Variants in PLEKHG4B observed in about 807,000 individuals in gnomAD.
PLEKHG4B encodes pleckstrin homology and RhoGEF domain containing G4B.
Under a neutral mutation model 121.3 loss-of-function variants are expected in PLEKHG4B, and 111 were observed. That is an observed-to-expected ratio of 0.92 (90% confidence interval 0.78 to 1.07). PLEKHG4B has a LOEUF of 1.07. PLEKHG4B is among the 50% of genes least tolerant of loss of function. The pLI, the probability that PLEKHG4B is intolerant of heterozygous loss-of-function variation, is 0.00. For missense variants in PLEKHG4B, 1,831 were observed against 1,757.8 expected (o/e 1.04, Z -0.74); for synonymous variants, 738 against 725.0 (o/e 1.02, Z -0.29).
At chr5:106,624 A>G (rs1733980470) in intron 1 of PLEKHG4B, among the ~76,000 whole-genome samples, 1 of 152,250 alleles carries the variant, frequency 6.6e-6, no homozygotes. Context: ...GGTTTTTGTC[A>G]GGACCCCACT....
intron 1 of PLEKHG4B, among the ~76,000 whole-genome samples, chr5:94,479 C>T (rs1004041190): frequency 8.7e-5 from 12 of 138,042 alleles, no homozygotes; most frequent in South Asian, 2.2e-4. Context: ...GAGTGGGTGG[C>T]GGGGCTGGAG....
At chr5:133,463 G>C (rs1361862361) in intron 2 of PLEKHG4B, among the ~76,000 whole-genome samples, 1 of 151,876 alleles carries the variant, frequency 6.6e-6, no homozygotes, top group African/African-American at 2.4e-5. Flanking sequence ...CCATCAAAAA[G>C]TGGGCTAAGG....
In PLEKHG4B at chr5:140,208, C is replaced by G; in HGVS notation, c.969C>G (p.Ala323=). Residue 323 remains alanine (A), a synonymous_variant, in exon 3 of 20, where the codon GCC becomes GCG. Coordinates refer to ENST00000637938, the MANE Select transcript of PLEKHG4B (RefSeq NM_052909.5). ...TGGACCAGGAGGACAGACCCAAGGCCCTCACCTTCCACACAGACCTGGGCA... is the reference window on the plus strand; with the variant it reads ...TGGACCAGGAGGACAGACCCAAGGCGCTCACCTTCCACACAGACCTGGGCA... ...DPMDQEDRPK[A]LTFHTDLGIP... 1 of 1,293,324 alleles carries G rather than the reference C, an allele frequency of 7.7e-7. No homozygotes were observed. The highest frequency in any genetic ancestry group is 1.0e-6 in the Non-Finnish European group (1 of 959,560). The allele number at this position is 1,293,324 out of a possible 1,614,324, so 80.1% of individuals were successfully genotyped here. A position where few individuals can be genotyped will look rare whatever the true frequency, so the allele number is the denominator to read the frequency against.
intron 16 of PLEKHG4B, among the ~76,000 whole-genome samples, chr5:172,612 C>T (rs1736599262): frequency 6.6e-6 from 1 of 152,238 alleles, no homozygotes; most frequent in Admixed American, 6.5e-5. Context: ...CGCTCACCCC[C>T]TGAGCAGGGC....
At chr5:154,025 G>A (rs1735685032) in intron 7 of PLEKHG4B, among the ~76,000 whole-genome samples, 1 of 148,188 alleles carries the variant, frequency 6.7e-6, no homozygotes, top group African/African-American at 2.5e-5. Context: ...TTTTTTTTGA[G>A]ACAGAGTCTC....
intron 1 of PLEKHG4B, among the ~76,000 whole-genome samples, chr5:112,709 A>G (rs1441273149): frequency 3.3e-5 from 5 of 152,222 alleles, no homozygotes; most frequent in East Asian, 1.9e-4. Context: ...AAACAAAATC[A>G]TCGACACAAT....
chr5:116,979 A>G (rs1734325160), intron 2 of PLEKHG4B, among the ~76,000 whole-genome samples: 1 of 152,188 alleles, frequency 6.6e-6, no homozygotes, highest in African/African-American at 2.4e-5. Context: ...CTGCGTCTGA[A>G]AACGCGTGGC....
At position 169,474 on chromosome 5, in the gene PLEKHG4B, A is replaced by T. The variant is rs61750331; in HGVS notation, c.3611A>T (p.His1204Leu). The T allele has an allele frequency of 6.2e-7, 1 of 1,614,122 alleles. No homozygotes were observed. ...MDLPQGLRGKHHVIFGNLEKL... is the reference protein window; with the variant it reads ...MDLPQGLRGKLHVIFGNLEKL... ...TTGCCCCAGGGCCTTCGAGGGAAGC[A>T]CCACGTTATTTTCGGCAACTTGGAG... is the stretch of plus-strand genomic sequence containing the variant. The change falls in exon 14 of 20, where the codon CAC becomes CTC. Residue 1204 changes from histidine (H) to leucine (L), a missense_variant. Physicochemically the swap from His to Leu is moderately conservative, Grantham distance 99. Transcript: ENST00000637938.
intron 14 of PLEKHG4B, 57 bp from the exon 15 acceptor site, chr5:170,986 C>G: frequency 7.0e-7 from 1 of 1,434,282 alleles, no homozygotes; most frequent in Non-Finnish European, 9.6e-7. Context: ...GCTGCGGGAG[C>G]CTGCTGTCTC....
At chr5:101,446 C>T (rs537991152) in intron 1 of PLEKHG4B, among the ~76,000 whole-genome samples, 5 of 122,930 alleles carry the variant, frequency 4.1e-5, no homozygotes, top group South Asian at 4.6e-4. Context: ...ATATAAAGCC[C>T]GGGGAAAAGC....
At chr5:94,521 A>G (rs10038369) in intron 1 of PLEKHG4B, among the ~76,000 whole-genome samples, 3,235 of 67,644 alleles carry the variant, frequency 0.048, 24 homozygotes, top group African/African-American at 0.15. Flanking sequence ...CCATCCTGAA[A>G]GTGTTGGTTC....
In PLEKHG4B at chr5:137,677, C is replaced by T. The variant is rs1006076109; in HGVS notation, c.244-1806C>T. ...GTTTTCTGGAAAAAGTCTAGTGGTGCGATTACAAGGACAAGTCACAACGAT... is the reference window on the plus strand; with the variant it reads ...GTTTTCTGGAAAAAGTCTAGTGGTGTGATTACAAGGACAAGTCACAACGAT... On this transcript the variant is annotated intron_variant, in intron 2 of 19. Coordinates refer to ENST00000637938, the MANE Select transcript of PLEKHG4B (RefSeq NM_052909.5). This position sits in a 1 kb window ranked among gnomAD's most constrained non-coding sequence, Gnocchi z 4.2. Among the ~76,000 whole-genome samples the T allele has an allele frequency of 3.3e-5, 5 of 152,188 alleles. No homozygotes were observed. The highest frequency in any genetic ancestry group is 1.9e-4 in the East Asian group (1 of 5,190).
rs766223317 is a variant in PLEKHG4B at position 182,121 on chromosome 5, C to A, written c.4682C>A (p.Ser1561Tyr). ...STSSSSSQSS[S>Y]ILGSLGLLVS... is the part of the protein sequence containing the mutation. ...TCCTCTTCTAGCAGCCAGTCCTCCT[C>A]CATCCTGGGGTCGCTGGGCCTGCTT... Residue 1561 changes from serine to tyrosine, a missense_variant, in exon 20 of 20, where the codon TCC becomes TAC. Transcript: ENST00000637938. 6.2e-7 allele frequency: 1 copy of A among 1,614,144 alleles called. No homozygotes were observed. Among genetic ancestry groups the A allele is most frequent in the South Asian group, 1.1e-5 (1 of 91,084 alleles).
intron 2 of PLEKHG4B, among the ~76,000 whole-genome samples, chr5:136,637 G>C (rs756097899): frequency 5.3e-5 from 8 of 152,208 alleles, no homozygotes; most frequent in South Asian, 2.1e-4. Flanking sequence ...CATTGTGATA[G>C]CTTTTAAAGG....
In PLEKHG4B at chr5:113,112, C is replaced by G; in HGVS notation, c.46-139C>G. The G allele has an allele frequency of 7.5e-6, 3 of 397,682 alleles. 1 individual carries two copies. Among genetic ancestry groups the G allele is most frequent in the Non-Finnish European group, 1.3e-5 (3 of 225,786 alleles). The allele number at this position is 397,682 out of a possible 1,614,324, so 24.6% of individuals were successfully genotyped here. A position where few individuals can be genotyped will look rare whatever the true frequency, so the allele number is the denominator to read the frequency against. ...CCATGGATTCGCCTGCACATTTTGT[C>G]TTTCTCAGTTAACTCACATCATGCC... On this transcript the variant is annotated intron_variant, in intron 1 of 19. Coordinates refer to ENST00000637938, the MANE Select transcript of PLEKHG4B (RefSeq NM_052909.5). This position sits in a 1 kb window ranked among gnomAD's most constrained non-coding sequence, Gnocchi z 5.2.
At chr5:146,452 TCTCTC>T (rs1735418484) in intron 6 of PLEKHG4B, among the ~76,000 whole-genome samples, 1 of 132,748 alleles carries the variant, frequency 7.5e-6, no homozygotes, top group Admixed American at 7.6e-5. Flanking sequence ...CCTGCAGCCA[TCTCTC>T]CTCTTCACCC....
intron 1 of PLEKHG4B, among the ~76,000 whole-genome samples, chr5:109,456 A>G (rs1734073519): frequency 1.3e-5 from 2 of 151,402 alleles, no homozygotes; most frequent in Admixed American, 1.3e-4. Context: ...CAGTGAATTA[A>G]AAGTACCTCC....
intron 13 of PLEKHG4B, 29 bp downstream of exon 13, chr5:163,577 C>A (rs966147505): frequency 6.7e-7 from 1 of 1,502,040 alleles, no homozygotes. Flanking sequence ...TCCTCTCGTC[C>A]TAGCAGTCCT....
At position 156,837 on chromosome 5, in the gene PLEKHG4B, C is replaced by T. The variant is rs773588962; in HGVS notation, c.2413C>T (p.Leu805Phe). ...RVDEEVHRLVLTSNNRLQQLE... is the reference protein window; with the variant it reads ...RVDEEVHRLVFTSNNRLQQLE... ...GGATGAGGAGGTGCACAGGCTGGTC[C>T]TCACCTCGAACAATCGTCTCCAGCA... The change falls in exon 11 of 20, where the codon CTC (leucine) becomes TTC (phenylalanine). Residue 805 changes from leucine (L) to phenylalanine (F), a missense_variant. By Grantham distance (22) the Leu-to-Phe change is conservative (BLOSUM62 0). Transcript: ENST00000637938. This position sits in a 1 kb window ranked among gnomAD's most constrained non-coding sequence, Gnocchi z 4.4. 5.3e-5 allele frequency: 85 copies of T among 1,600,466 alleles called. 1 individual carries two copies. Among genetic ancestry groups the T allele is most frequent in the Middle Eastern group, 1.6e-4 (1 of 6,062 alleles).
Sources: gnomAD v4.1 joint callset for allele counts (sites outside exome capture counted in the v4.1 genomes callset) on GRCh38, gnomAD v4.1.1 for gene constraint, Gnocchi (gnomAD v3.1) non-coding constraint, MANE v1.5 for transcripts, NCBI Gene and HGNC (gene_info 2026-07-23, HGNC 2026-07-21) for gene names.